Variants in NEK5 observed in about 807,000 individuals in gnomAD.
NEK5 encodes the protein NIMA related kinase 5.
In NEK5, 88 loss-of-function variants were observed where a neutral mutation model predicts 109.2. The observed-to-expected ratio is 0.81, with a 90% CI of 0.68 to 0.96. The LOEUF is 0.96. Among genes scored for constraint, NEK5 ranks in the 40% least tolerant of loss-of-function variants. The pLI is 0.00. For missense variants in NEK5, 834 were observed against 920.7 expected (o/e 0.91, Z 1.22); for synonymous variants, 283 against 299.9 (o/e 0.94, Z 0.58).
At chr13:52,104,662 G>C in intron 8 of NEK5, 110 bp from the exon 9 acceptor site, 1 of 755,698 alleles carries the variant, frequency 1.3e-6, no homozygotes, top group East Asian at 2.5e-5. Flanking sequence ...TATGTAAGTT[G>C]ATCAGCTTTT....
At chr13:52,069,873 C>T (rs749461088) in intron 20 of NEK5, among the ~76,000 whole-genome samples, 2 of 152,178 alleles carry the variant, frequency 1.3e-5, no homozygotes, top group Non-Finnish European at 2.9e-5. Flanking sequence ...TGCGGACCTC[C>T]CTGACTCTCC....
At chr13:52,059,658 C>A (rs1954593446) in intron 22 of NEK5, among the ~76,000 whole-genome samples, 1 of 152,088 alleles carries the variant, frequency 6.6e-6, no homozygotes, top group African/African-American at 2.4e-5. Flanking sequence ...TTTGTAGGGA[C>A]ATGGATGAAA....
chr13:52,065,327 A>G, intron 21 of NEK5, 157 bp downstream of exon 21: 1 of 997,080 alleles, frequency 1.0e-6, no homozygotes, highest in Non-Finnish European at 1.6e-6. Flanking sequence ...AAGTCTCTTT[A>G]GGCATAGGGA....
At chr13:52,128,074 C>T (rs1244029723) in intron 1 of NEK5, among the ~76,000 whole-genome samples, 2 of 152,144 alleles carry the variant, frequency 1.3e-5, no homozygotes, top group East Asian at 3.9e-4. Context: ...TACCCCGCGG[C>T]CCTACAATCT....
chr13:52,076,516 A>G (rs540629191), intron 17 of NEK5, among the ~76,000 whole-genome samples: 1 of 152,322 alleles, frequency 6.6e-6, no homozygotes, highest in African/African-American at 2.4e-5. Context: ...GGCTCTGAAA[A>G]TTGGTAGGCA....
intron 23 of NEK5, among the ~76,000 whole-genome samples, chr13:52,045,131 T>TAAAAGA (rs1954445437): frequency 3.8e-5 from 1 of 26,050 alleles, no homozygotes; most frequent in African/African-American, 7.8e-5. Context: ...ATAAAAAATC[T>TAAAAGA]TTTTTTTTTT....
At chr13:52,070,140 TGCTGTAGGAGAAAATGGGCATTCCA>T (rs1257762300) in intron 20 of NEK5, among the ~76,000 whole-genome samples, 4 of 152,042 alleles carry the variant, frequency 2.6e-5, no homozygotes, top group Non-Finnish European at 5.9e-5. Flanking sequence ...GTTCTGTAAA[TGCTGTAGGAGAAAATGGGCATTCCA>T]GCTGTAGGAG....
intron 20 of NEK5, among the ~76,000 whole-genome samples, chr13:52,070,948 G>A (rs1330706136): frequency 2.6e-5 from 4 of 152,300 alleles, no homozygotes; most frequent in Middle Eastern, 6.8e-3. Context: ...TGTTCCTAAG[G>A]TGAAACTGAG....
chr13:52,075,633 T>G, intron 19 of NEK5, 125 bp downstream of exon 19: 1 of 663,890 alleles, frequency 1.5e-6, no homozygotes, highest in Non-Finnish European at 2.6e-6. Flanking sequence ...ATGTACCACC[T>G]GAATCTAAAA....
At chr13:52,050,359 A>C (rs1470373036) in intron 22 of NEK5, 138 bp from the exon 23 acceptor site, 1 of 157,296 alleles carries the variant, frequency 6.4e-6, no homozygotes, top group Non-Finnish European at 1.4e-5. Flanking sequence ...AGAATAAGAA[A>C]GGGATAACAC....
At chr13:52,058,110 G>C (rs2137723560) in intron 22 of NEK5, among the ~76,000 whole-genome samples, 1 of 148,908 alleles carries the variant, frequency 6.7e-6, no homozygotes, top group East Asian at 2.0e-4. Context: ...AAAGTCTCAG[G>C]ATACAAAATC....
Position 52,102,162 on chromosome 13 carries a change from C to T in NEK5, c.740G>A (p.Arg247Gln), listed in dbSNP as rs768928309. Residue 247 changes from arginine to glutamine, a missense_variant, in exon 10 of 24, where the codon CGA (arginine) becomes CAA (glutamine). Arg to Gln is a conservative substitution (Grantham distance 43). Coordinates refer to ENST00000684899, the MANE Select transcript of NEK5 (RefSeq NM_001365552.1). ...TTTCAAAATGGAATTTATGGATGGT[C>T]GGTCTCGAGGAGATACTTGAAAGAG... is the stretch of plus-strand genomic sequence containing the variant. ...SQLFQVSPRD[R>Q]PSINSILKRP... 2.0e-5 allele frequency: 33 copies of T among 1,613,692 alleles called. No homozygotes were observed. The highest frequency in any genetic ancestry group is 1.6e-4 in the East Asian group (7 of 44,870).
intron 17 of NEK5, among the ~76,000 whole-genome samples, chr13:52,081,872 T>C (rs1423146735): frequency 6.6e-6 from 1 of 152,244 alleles, no homozygotes; most frequent in Non-Finnish European, 1.5e-5. Context: ...ATCTGAGCCG[T>C]GTTTTTATGG....
At chr13:52,115,585 C>CA (rs1566822610) in intron 4 of NEK5, among the ~76,000 whole-genome samples, 1 of 107,612 alleles carries the variant, frequency 9.3e-6, no homozygotes, top group Non-Finnish European at 1.7e-5. Flanking sequence ...GCCTGGGTGA[C>CA]AGAGTGAGAC....
In NEK5 at chr13:52,042,440, A is replaced by G. The variant is rs140725499; in HGVS notation, c.2229-5222T>C. On this transcript the variant is annotated intron_variant, in intron 23 of 23. Transcript: ENST00000684899. ...AGGTAAAATTGGATGAAATGATTTG[A>G]TATCTGAGACTTAAAGTATTCCACA... 1.2e-3 allele frequency among the ~76,000 whole-genome samples: 172 copies of G among 149,250 alleles called. 1 individual carries two copies. Among genetic ancestry groups the G allele is most frequent in the Admixed American group, 2.2e-3 (33 of 14,878 alleles).
At chr13:52,098,261 C>CAAATAAATAAATAAATAAATAAAT (rs34554364) in intron 12 of NEK5, among the ~76,000 whole-genome samples, 1 of 146,918 alleles carries the variant, frequency 6.8e-6, no homozygotes, top group South Asian at 2.3e-4. Flanking sequence ...GACCCTCTTT[C>CAAATAAATAAATAAATAAATAAAT]AAATAAATAA....
chr13:52,106,826 C>CT (rs889049906), intron 8 of NEK5, among the ~76,000 whole-genome samples: 8 of 151,676 alleles, frequency 5.3e-5, no homozygotes, highest in Non-Finnish European at 7.4e-5. Flanking sequence ...TAAAAACTAA[C>CT]TGGGTTTTAA....
At chr13:52,068,089 C>T (rs540767327) in intron 20 of NEK5, among the ~76,000 whole-genome samples, 3 of 152,186 alleles carry the variant, frequency 2.0e-5, no homozygotes, top group Admixed American at 2.0e-4. Flanking sequence ...GAAATTCATG[C>T]CTTATGCAAA....
chr13:52,062,545 C>G lies in NEK5; in HGVS notation c.1976-592G>C, dbSNP rs139712289. ...AAGCAATTCTCCTGCCTCAGCCTCC[C>G]GAGTAGCTGGGATTACAGGTGTGTG... On this transcript the variant is annotated intron_variant, in intron 21 of 23. Transcript: ENST00000684899. Among the ~76,000 whole-genome samples the G allele has an allele frequency of 9.2e-5, 14 of 151,958 alleles. No homozygotes were observed. The East Asian group carries it at 2.7e-3, about 29-fold the overall frequency.
Sources: gnomAD v4.1 joint callset for allele counts (sites outside exome capture counted in the v4.1 genomes callset) on GRCh38, gnomAD v4.1.1 for gene constraint, MANE v1.5 for transcripts, NCBI Gene and HGNC (gene_info 2026-07-23, HGNC 2026-07-21) for gene names.